SRRM2: variants seen among roughly 807,000 people sequenced by gnomAD.
SRRM2 encodes the protein serine/arginine repetitive matrix 2.
A neutral mutation model predicts 213.8 loss-of-function variants in SRRM2; 30 were observed. The ratio of observed to expected loss-of-function variants is 0.14; its 90% CI spans 0.10 to 0.19. The LOEUF (loss-of-function observed/expected upper bound fraction) is 0.19, where lower values mean the gene tolerates loss of function less well. Ranked by LOEUF, SRRM2 falls within the 10% of genes least tolerant of loss-of-function variation. SRRM2 has a pLI of 1.00. For synonymous variants in SRRM2, 2,025 were observed against 1,377.7 expected, an observed-to-expected ratio of 1.47 and a Z score of -10.40; for missense variants, 4,904 against 3,647.0, an observed-to-expected ratio of 1.34 and a Z score of -8.88.
At position 2,767,399 on chromosome 16, in the gene SRRM2, A is replaced by G. The variant is rs752878217; in HGVS notation, c.6871A>G (p.Thr2291Ala). 2 of 1,613,854 alleles carry G rather than the reference A, an allele frequency of 1.2e-6. No individual in the cohort carries two copies. The highest frequency in any genetic ancestry group is 1.3e-5 in the African/African-American group (1 of 74,978). ...AVNLADPRTP[T>A]APAVNLAGAR... is the part of the protein sequence containing the mutation. ...GAACCTGGCTGACCCTCGCACTCCC[A>G]CAGCCCCAGCTGTGAACCTAGCAGG... is the stretch of plus-strand genomic sequence containing the variant. The change falls in exon 11 of 15, where the codon ACA becomes GCA. Residue 2291 changes from threonine to alanine, a missense_variant. Physicochemically the swap from Thr to Ala is moderately conservative, Grantham distance 58. Transcript: ENST00000301740.
chr16:2,770,990 TGGAG>T lies in SRRM2; in HGVS notation c.*126_*129del. On this transcript the variant is annotated 3_prime_UTR_variant, in exon 15 of 15. Transcript: ENST00000301740. ...CCTTTGAACCTTGGCAGCCCTTGGA[TGGAG>T]GGCTCCCTTTCCCTCCCCTTTTTTT... 1 of 1,195,598 alleles carries T rather than the reference TGGAG, an allele frequency of 8.4e-7. No individual in the cohort carries two copies. Among genetic ancestry groups the T allele is most frequent in the Non-Finnish European group, 1.2e-6 (1 of 848,074 alleles). 74.1% of individuals were successfully genotyped at this position (1,195,598 alleles called of 1,614,324 possible).
intron 1 of SRRM2, among the ~76,000 whole-genome samples, chr16:2,754,279 G>C (rs2068061055): frequency 6.6e-6 from 1 of 151,746 alleles, no homozygotes; most frequent in South Asian, 2.1e-4. Flanking sequence ...CCTTTGCTTA[G>C]CACCTACTGG....
chr16:2,759,206 G>A, intron 7 of SRRM2, 34 bp downstream of exon 7: 1 of 1,610,994 alleles, frequency 6.2e-7, no homozygotes, highest in Non-Finnish European at 8.5e-7. Flanking sequence ...GGGCGCAGTG[G>A]CATGTGGAGT....
chr16:2,754,617 G>A (rs1285075040), intron 1 of SRRM2, among the ~76,000 whole-genome samples: 1 of 152,128 alleles, frequency 6.6e-6, no homozygotes, highest in Non-Finnish European at 1.5e-5. Context: ...GGAGTGGGGG[G>A]ATTTTTGTGT....
chr16:2,761,500 G>C (rs561200593), intron 10 of SRRM2, 61 bp from the exon 11 acceptor site: 154 of 1,370,932 alleles, frequency 1.1e-4, no homozygotes, highest in Non-Finnish European at 1.4e-4. Flanking sequence ...TGGGATCTTA[G>C]GGGTGATGTG....
Position 2,771,392 on chromosome 16 carries a change from T to A in SRRM2, c.*525T>A. On this transcript the variant is annotated 3_prime_UTR_variant, in exon 15 of 15. Coordinates refer to ENST00000301740, the MANE Select transcript of SRRM2 (RefSeq NM_016333.4). ...AGCAAGAGCAACTTTTTCTGTCAAA[T>A]AAAAATGAGAAATGCAGGAACTGGG... The A allele has an allele frequency of 1.2e-6, 2 of 1,609,688 alleles. No individual in the cohort carries two copies. The highest frequency in any genetic ancestry group is 1.7e-6 in the Non-Finnish European group (2 of 1,176,428).
At chr16:2,770,508 C>A in intron 13 of SRRM2, 43 bp downstream of exon 13, 1 of 1,573,840 alleles carries the variant, frequency 6.4e-7, no homozygotes, top group Non-Finnish European at 8.6e-7. Context: ...TGTCTGGCCG[C>A]CACTGCTTTC....
At chr16:2,759,838 TTC>T in intron 9 of SRRM2, 177 bp downstream of exon 9, 1 of 591,586 alleles carries the variant, frequency 1.7e-6, no homozygotes, top group East Asian at 2.8e-5. Context: ...ACATTTCCCC[TTC>T]TCTTTTTTTT....
In SRRM2 at chr16:2,764,779, A is replaced by G. The variant is rs573767578; in HGVS notation, c.4251A>G (p.Glu1417=). Residue 1417 remains glutamate, a synonymous_variant, in exon 11 of 15, where the codon GAA becomes GAG. Transcript: ENST00000301740. ...LDAVPRTPSR[E]RSSSASSPEM... is the part of the protein sequence containing the mutation. ...CTGTACCCAGAACACCCTCGAGAGA[A>G]AGAAGTAGTTCTGCATCTTCTCCTG... 3.7e-6 allele frequency: 6 copies of G among 1,614,176 alleles called. No individual in the cohort carries two copies. The highest frequency in any genetic ancestry group is 2.7e-5 in the African/African-American group (2 of 75,026).
chr16:2,754,875 C>T (rs535694586), intron 1 of SRRM2, among the ~76,000 whole-genome samples: 1 of 152,108 alleles, frequency 6.6e-6, no homozygotes, highest in Non-Finnish European at 1.5e-5. Context: ...GGTTTAGCCT[C>T]TTCTGTCACC....
At position 2,764,191 on chromosome 16, in the gene SRRM2, A is replaced by G. The variant is rs1567233698; in HGVS notation, c.3663A>G (p.Glu1221=). 1 of 1,614,236 alleles carries G rather than the reference A, an allele frequency of 6.2e-7. No individual in the cohort carries two copies. The highest frequency in any genetic ancestry group is 2.2e-5 in the East Asian group (1 of 44,886). Residue 1221 remains glutamate (E), a synonymous_variant, in exon 11 of 15, where the codon GAA becomes GAG. Coordinates refer to ENST00000301740, the MANE Select transcript of SRRM2 (RefSeq NM_016333.4). ...RERSGAGSSP[E]TKEQNSALPT... ...GAAGTGGTGCTGGGTCATCTCCAGA[A>G]ACAAAAGAGCAAAATAGTGCATTGC...
intron 2 of SRRM2, 130 bp from the exon 3 acceptor site, chr16:2,757,342 T>A (rs1356580352): frequency 1.5e-6 from 1 of 686,440 alleles, no homozygotes; most frequent in East Asian, 2.7e-5. Context: ...CAGAAGGGAC[T>A]TTTGGGTGAG....
chr16:2,761,206 G>A (rs1237091309), intron 10 of SRRM2, among the ~76,000 whole-genome samples: 1 of 152,110 alleles, frequency 6.6e-6, no homozygotes, highest in Non-Finnish European at 1.5e-5. Flanking sequence ...GTTTAATAGA[G>A]TTATTCTTCA....
At position 2,760,307 on chromosome 16, in the gene SRRM2, A is replaced by G; in HGVS notation, c.840A>G (p.Arg280=). ...CCTCAATTAACTCCTGCAGGTCTCG[A>G]AGTGCTGCAGCTAAAACTCATACAA... ...SSSDTSRSRS[R]SAAAKTHTTA... is the part of the protein sequence containing the mutation. The change falls in exon 10 of 15, where the codon CGA becomes CGG. Residue 280 remains arginine, a synonymous_variant. Transcript: ENST00000301740. The G allele has an allele frequency of 1.2e-6, 2 of 1,613,204 alleles. No individual in the cohort carries two copies. The highest frequency in any genetic ancestry group is 2.2e-5 in the South Asian group (2 of 91,032).
At position 2,763,367 on chromosome 16, in the gene SRRM2, C is replaced by T. The variant is rs34275340; in HGVS notation, c.2839C>T (p.Pro947Ser). 6.2e-7 allele frequency: 1 copy of T among 1,614,194 alleles called. No homozygotes were observed. Among genetic ancestry groups the T allele is most frequent in the Non-Finnish European group, 8.5e-7 (1 of 1,180,036 alleles). Residue 947 changes from proline (P) to serine (S), a missense_variant, in exon 11 of 15, where the codon CCA becomes TCA. Transcript: ENST00000301740. The part of the protein sequence containing the change: ...SPSRVTSRTT[P>S]RRSRSVSPCS... ...TAGTAGGGTGACGTCGAGAACAACT[C>T]CACGGCGAAGCAGATCAGTATCTCC...
At chr16:2,756,290 T>G in intron 1 of SRRM2, 44 bp from the exon 2 acceptor site, 1 of 1,461,642 alleles carries the variant, frequency 6.8e-7, no homozygotes, top group South Asian at 1.4e-5. Flanking sequence ...AAGTGGTTAG[T>G]TTGGGGCCAG....
chr16:2,770,148 A>C, intron 12 of SRRM2: 3 of 1,432,006 alleles, frequency 2.1e-6, no homozygotes, highest in Non-Finnish European at 2.7e-6. Flanking sequence ...TTATCTTTGC[A>C]TCCCCCGCTG....
In SRRM2 at chr16:2,767,964, C is replaced by T. The variant is rs1438039483; in HGVS notation, c.7436C>T (p.Ala2479Val). ...GGGTCTCAGTCCCTTTCCTCTGGGG[C>T]AGTGGCAACGACCACGTCCTCTGCT... ...VAGSQSLSSG[A>V]VATTTSSAGD... The change falls in exon 11 of 15, where the codon GCA (alanine) becomes GTA (valine). Residue 2479 changes from alanine (A) to valine (V), a missense_variant. Transcript: ENST00000301740. 2 of 1,614,206 alleles carry T rather than the reference C, an allele frequency of 1.2e-6. No homozygotes were observed. Among genetic ancestry groups the T allele is most frequent in the African/African-American group, 1.3e-5 (1 of 75,040 alleles).
chr16:2,767,143 T>C lies in SRRM2; in HGVS notation c.6615T>C (p.Ala2205=), dbSNP rs1464326239. 2 of 1,614,214 alleles carry C rather than the reference T, an allele frequency of 1.2e-6. No homozygotes were observed. The highest frequency in any genetic ancestry group is 3.3e-5 in the Admixed American group (2 of 60,036). Residue 2205 remains alanine (A), a synonymous_variant, in exon 11 of 15, where the codon GCT becomes GCC. Transcript: ENST00000301740. ...PPPSMSAAGL[A]ARMSQVPAPV... ...CGTCCATGTCTGCTGCTGGCCTTGC[T>C]GCAAGAATGTCCCAGGTTCCAGCCC... is the stretch of plus-strand genomic sequence containing the variant.
Sources: allele counts gnomAD v4.1 joint callset (sites outside exome capture counted in the v4.1 genomes callset), GRCh38; gene constraint gnomAD v4.1.1; transcripts MANE v1.5; gene names NCBI Gene and HGNC (gene_info 2026-07-23, HGNC 2026-07-21).